Variants in KLHL20 observed in about 807,000 individuals in gnomAD.
KLHL20 encodes kelch-like protein 20.
Under a neutral mutation model 69.5 loss-of-function variants are expected in KLHL20, and 29 were observed. That is an observed-to-expected ratio of 0.42 (90% CI 0.31 to 0.57). The LOEUF (loss-of-function observed/expected upper bound fraction) is 0.57. Ranked by LOEUF, KLHL20 falls within the 20% of genes least tolerant of loss-of-function variation. KLHL20 has a pLI of 0.18. For missense variants in KLHL20, 419 were observed against 776.0 expected (o/e 0.54, Z 5.47); for synonymous variants, 253 against 265.2 (o/e 0.95, Z 0.45).
At chr1:173,719,190 A>T (rs1671607761) in intron 2 of KLHL20, among the ~76,000 whole-genome samples, 1 of 152,002 alleles carries the variant, frequency 6.6e-6, no homozygotes, top group African/African-American at 2.4e-5. Context: ...GTAGTATTCC[A>T]TTGTCTATAT....
At chr1:173,731,495 A>G (rs1672275553) in intron 2 of KLHL20, among the ~76,000 whole-genome samples, 1 of 152,220 alleles carries the variant, frequency 6.6e-6, no homozygotes, top group Non-Finnish European at 1.5e-5. Context: ...AGCCTGAATT[A>G]AGGAAATGTG....
At chr1:173,766,124 C>T (rs1259097847) in intron 7 of KLHL20, 22 bp from the exon 8 acceptor site, 5 of 1,558,162 alleles carry the variant, frequency 3.2e-6, no homozygotes, top group Non-Finnish European at 4.3e-6. Context: ...TACAAACTCT[C>T]CTCTTGGTAT....
chr1:173,717,246 A>T (rs1671510105), intron 2 of KLHL20, among the ~76,000 whole-genome samples: 3 of 152,232 alleles, frequency 2.0e-5, no homozygotes, highest in Admixed American at 6.5e-5. Context: ...ATTATTTTTT[A>T]AAAGAATAGC....
chr1:173,752,041 T>G, intron 4 of KLHL20, 119 bp downstream of exon 4: 1 of 866,388 alleles, frequency 1.2e-6, no homozygotes, highest in Admixed American at 2.5e-5. Flanking sequence ...ATCGAGACCA[T>G]CCTGGCCAAC....
intron 9 of KLHL20, among the ~76,000 whole-genome samples, chr1:173,774,737 C>T (rs1648340794): frequency 9.2e-6 from 1 of 108,440 alleles, no homozygotes; most frequent in Admixed American, 7.9e-5. Flanking sequence ...CACAACTTCT[C>T]CTCAAAACCA....
At chr1:173,721,007 C>T (rs926204920) in intron 2 of KLHL20, among the ~76,000 whole-genome samples, 8 of 152,040 alleles carry the variant, frequency 5.3e-5, no homozygotes, top group Admixed American at 4.6e-4. Context: ...TAAGAAGGTT[C>T]TTCAAGCTGT....
intron 2 of KLHL20, among the ~76,000 whole-genome samples, chr1:173,726,247 G>C (rs1671952854): frequency 6.6e-6 from 1 of 152,028 alleles, no homozygotes; most frequent in South Asian, 2.1e-4. Context: ...AAAGCGGCTG[G>C]GAAGCTCGAA....
In KLHL20 at chr1:173,718,969, G is replaced by A. The variant is rs546606091; in HGVS notation, c.23+2903G>A. On this transcript the variant is annotated intron_variant, in intron 2 of 11. Coordinates refer to ENST00000209884, the MANE Select transcript of KLHL20 (RefSeq NM_014458.4). The stretch of plus-strand genomic sequence containing the variant: ...AAATACAAAAAATTAGCCGGGTGCG[G>A]TGGCGGGCACCTGTAGTCCCAGCTA... 2.0e-5 allele frequency among the ~76,000 whole-genome samples: 3 copies of A among 152,064 alleles called. No individual in the cohort carries two copies. In the East Asian group the frequency reaches 5.8e-4, roughly 30 times the overall value.
In KLHL20 at chr1:173,716,102, A is replaced by G. The variant is rs766038367; in HGVS notation, c.23+36A>G. The stretch of plus-strand genomic sequence containing the variant: ...AGGAAGAAAACCTTTGGTTTCACTG[A>G]TTAAAATTCAGCATGTAATAATTTA... On this transcript the variant is annotated intron_variant, in intron 2 of 11. Transcript: ENST00000209884. 6.9e-6 allele frequency: 11 copies of G among 1,603,310 alleles called. No homozygotes were observed. The South Asian group carries it at 1.2e-4, about 18-fold the overall frequency.
chr1:173,760,948 C>T (rs565938635), intron 7 of KLHL20, among the ~76,000 whole-genome samples: 7 of 152,212 alleles, frequency 4.6e-5, no homozygotes, highest in African/African-American at 1.2e-4. Flanking sequence ...GGTACAGAAC[C>T]GCAGAATGGA....
At position 173,783,139 on chromosome 1, in the gene KLHL20, C is replaced by T. The variant is rs114928314; in HGVS notation, c.1745+909C>T. Among the ~76,000 whole-genome samples the T allele has an allele frequency of 7.6e-3, 1,151 of 152,292 alleles. 11 individuals are homozygous for T. Among genetic ancestry groups the T allele is most frequent in the African/African-American group, 0.025 (1,026 of 41,550 alleles). On this transcript the variant is annotated intron_variant, in intron 11 of 11. Transcript: ENST00000209884. ...GTACTTAATTCTAAATACTAGTCTT[C>T]TAAGAAAACAGTTTTGCCTTCCAAG... is the stretch of plus-strand genomic sequence containing the variant.
intron 7 of KLHL20, among the ~76,000 whole-genome samples, chr1:173,757,491 T>A (rs1239297269): frequency 2.0e-5 from 3 of 151,960 alleles, no homozygotes; most frequent in African/African-American, 7.2e-5. Context: ...GGGATACTTC[T>A]GCCACTTTAA....
chr1:173,749,462 TTTC>T (rs1449390592), intron 3 of KLHL20, among the ~76,000 whole-genome samples: 1 of 152,186 alleles, frequency 6.6e-6, no homozygotes, highest in Admixed American at 6.5e-5. Flanking sequence ...GAAGCATTAT[TTTC>T]TTAACTTGGT....
chr1:173,775,985 A>G, intron 10 of KLHL20, 143 bp downstream of exon 10: 1 of 677,506 alleles, frequency 1.5e-6, no homozygotes, highest in Non-Finnish European at 2.5e-6. Flanking sequence ...GCTGGATCAT[A>G]TGATATTTCT....
chr1:173,729,510 A>G (rs1456774398), intron 2 of KLHL20, among the ~76,000 whole-genome samples: 2 of 152,194 alleles, frequency 1.3e-5, no homozygotes, highest in African/African-American at 2.4e-5. Context: ...CAGCACATCA[A>G]GAAGCTTATC....
At chr1:173,749,824 A>T (rs1001234434) in intron 3 of KLHL20, among the ~76,000 whole-genome samples, 1 of 152,212 alleles carries the variant, frequency 6.6e-6, no homozygotes, top group African/African-American at 2.4e-5. Flanking sequence ...TAAGTGAAGA[A>T]ATCACAGAGA....
intron 8 of KLHL20, among the ~76,000 whole-genome samples, chr1:173,770,548 T>G (rs1648018067): frequency 6.6e-6 from 1 of 151,752 alleles, no homozygotes; most frequent in Non-Finnish European, 1.5e-5. Context: ...AAATACAAAA[T>G]TAGCCGGATG....
intron 4 of KLHL20, 137 bp from the exon 5 acceptor site, chr1:173,753,076 G>A (rs531799069): frequency 1.1e-5 from 7 of 642,168 alleles, no homozygotes; most frequent in African/African-American, 7.3e-5. Context: ...TGGAGGCTGA[G>A]GTAGGCACAT....
chr1:173,725,896 GGT>G (rs1485801903), intron 2 of KLHL20, among the ~76,000 whole-genome samples: 3 of 152,206 alleles, frequency 2.0e-5, no homozygotes, highest in African/African-American at 7.2e-5. Flanking sequence ...TCAGACAGTA[GGT>G]GCAGGACAGT....
Sources: allele counts gnomAD v4.1 joint callset (sites outside exome capture counted in the v4.1 genomes callset), GRCh38; gene constraint gnomAD v4.1.1; transcripts MANE v1.5; gene names NCBI Gene and HGNC (gene_info 2026-07-23, HGNC 2026-07-21).